Variants in AMPH observed in about 807,000 individuals in gnomAD.
The protein encoded by AMPH is amphiphysin (Stiff-Mann syndrome with breast cancer 128kD autoantigen).
AMPH carries 49 observed loss-of-function variants against 99.1 expected under a neutral mutation model. That is an observed-to-expected ratio of 0.49 (90% CI 0.39 to 0.63). AMPH has a LOEUF of 0.63. AMPH is among the 20% of genes least tolerant of loss of function. The pLI, the probability that AMPH is intolerant of heterozygous loss-of-function variation, is 0.00. For synonymous variants in AMPH, 314 were observed against 317.3 expected (o/e 0.99, Z 0.11); for missense variants, 759 against 863.4 (o/e 0.88, Z 1.52).
chr7:38,589,144 A>T (rs889962893), intron 1 of AMPH, among the ~76,000 whole-genome samples: 2 of 152,226 alleles, frequency 1.3e-5, no homozygotes, highest in African/African-American at 2.4e-5. Flanking sequence ...TTGAAGTCTG[A>T]CTATCCAACA....
At chr7:38,480,272 A>T (rs1420572524) in intron 5 of AMPH, among the ~76,000 whole-genome samples, 1 of 152,072 alleles carries the variant, frequency 6.6e-6, no homozygotes, top group Non-Finnish European at 1.5e-5. Context: ...GGCCCCAGTG[A>T]CCAGCGCCAG....
At chr7:38,422,202 A>T (rs1785603001) in intron 16 of AMPH, among the ~76,000 whole-genome samples, 1 of 152,234 alleles carries the variant, frequency 6.6e-6, no homozygotes. Flanking sequence ...TTAGGAGACT[A>T]GTTTTTGCTG....
At chr7:38,574,881 C>T (rs2392585) in intron 1 of AMPH, among the ~76,000 whole-genome samples, 40,922 of 151,512 alleles carry the variant, frequency 0.27, 5,956 homozygotes, top group Non-Finnish European at 0.33. Context: ...TGGTGAAACC[C>T]CGTCTCTACT....
chr7:38,479,681 A>G (rs1788218963), intron 5 of AMPH, among the ~76,000 whole-genome samples: 1 of 152,168 alleles, frequency 6.6e-6, no homozygotes, highest in African/African-American at 2.4e-5. Context: ...GAAGTAATAC[A>G]TCATTTCAAG....
At chr7:38,437,130 A>G (rs1425745686) in intron 11 of AMPH, among the ~76,000 whole-genome samples, 1 of 152,232 alleles carries the variant, frequency 6.6e-6, no homozygotes, top group Non-Finnish European at 1.5e-5. Context: ...AAAAAAATCT[A>G]TAATACTAAA....
At chr7:38,618,382 T>C (rs1793946102) in intron 1 of AMPH, among the ~76,000 whole-genome samples, 1 of 150,806 alleles carries the variant, frequency 6.6e-6, no homozygotes, top group African/African-American at 2.4e-5. Context: ...CGTGGTGGCA[T>C]GCACCTGTAG....
chr7:38,606,618 G>A (rs937390613), intron 1 of AMPH, among the ~76,000 whole-genome samples: 1 of 138,444 alleles, frequency 7.2e-6, no homozygotes, highest in African/African-American at 2.7e-5. Flanking sequence ...TGTCGCCCAG[G>A]ACAGAATGCA....
intron 3 of AMPH, among the ~76,000 whole-genome samples, chr7:38,496,133 C>T (rs1232124630): frequency 6.6e-6 from 1 of 152,176 alleles, no homozygotes; most frequent in Non-Finnish European, 1.5e-5. Flanking sequence ...AAATAAAAAA[C>T]ACATCCTGTA....
intron 13 of AMPH, among the ~76,000 whole-genome samples, chr7:38,431,289 C>T (rs1485825323): frequency 6.6e-6 from 1 of 152,184 alleles, no homozygotes; most frequent in African/African-American, 2.4e-5. Context: ...TTATTTAAAC[C>T]TCACACAACC....
chr7:38,420,871 G>A, intron 16 of AMPH: 1 of 443,086 alleles, frequency 2.3e-6, no homozygotes, highest in South Asian at 1.6e-5. Flanking sequence ...GTATGATGCA[G>A]GCTGGGAGAT....
rs78274611 is a variant in AMPH, at chr7:38,449,465, G to A, written c.1017+11818C>T. Among the ~76,000 whole-genome samples the A allele has an allele frequency of 4.2e-4, 64 of 152,322 alleles. No homozygotes were observed. In the East Asian group the frequency reaches 0.012, roughly 28 times the overall value. On this transcript the variant is annotated intron_variant, in intron 11 of 20. Coordinates refer to ENST00000356264, the MANE Select transcript of AMPH (RefSeq NM_001635.4). ...ATGAGACCTTGCAGAAAGATATTTA[G>A]TAGCTTTCCCTGTTCTGTAGACAGA...
chr7:38,461,871 T>G (rs1787461844), intron 10 of AMPH, among the ~76,000 whole-genome samples: 1 of 152,254 alleles, frequency 6.6e-6, no homozygotes, highest in South Asian at 2.1e-4. Context: ...AGTAGAAAAC[T>G]TTAAAGGTCT....
chr7:38,390,416 A>T (rs1224632991), intron 19 of AMPH, among the ~76,000 whole-genome samples: 1 of 152,170 alleles, frequency 6.6e-6, no homozygotes, highest in Non-Finnish European at 1.5e-5. Flanking sequence ...CCCATTTTGA[A>T]AAAGATTTCC....
At position 38,560,855 on chromosome 7, in the gene AMPH, G is replaced by C. The variant is rs189449083; in HGVS notation, c.70-25844C>G. 1.3e-3 allele frequency among the ~76,000 whole-genome samples: 204 copies of C among 152,302 alleles called. 1 individual carries two copies. Among genetic ancestry groups the C allele is most frequent in the Non-Finnish European group, 2.2e-3 (147 of 68,022 alleles). On this transcript the variant is annotated intron_variant, in intron 1 of 20. Transcript: ENST00000356264. ...TCAGGGATGCTGATTTCCTTGGTCT[G>C]GGGTGAGGCTGAAGTCTGGCTATTT...
chr7:38,492,708 A>C (rs533789694), intron 4 of AMPH, among the ~76,000 whole-genome samples: 2 of 152,302 alleles, frequency 1.3e-5, no homozygotes, highest in African/African-American at 2.4e-5. Context: ...ATTCCAAAAA[A>C]CCGGGCAGCT....
intron 16 of AMPH, among the ~76,000 whole-genome samples, chr7:38,418,688 G>A (rs747152189): frequency 1.2e-4 from 19 of 152,006 alleles, no homozygotes; most frequent in Non-Finnish European, 2.4e-4. Context: ...CCTTAGTAAT[G>A]CATTTATTTC....
intron 9 of AMPH, among the ~76,000 whole-genome samples, chr7:38,464,768 G>A (rs1056616183): frequency 6.6e-6 from 1 of 152,126 alleles, no homozygotes; most frequent in African/African-American, 2.4e-5. Flanking sequence ...CGAAAGCTGG[G>A]TCTTCTGACT....
intron 1 of AMPH, among the ~76,000 whole-genome samples, chr7:38,586,202 G>A (rs1490749683): frequency 6.6e-6 from 1 of 152,016 alleles, no homozygotes; most frequent in African/African-American, 2.4e-5. Context: ...ATTTTCCAAC[G>A]AACACGTAAG....
intron 5 of AMPH, among the ~76,000 whole-genome samples, chr7:38,490,804 T>C (rs1202463938): frequency 6.6e-6 from 1 of 152,174 alleles, no homozygotes; most frequent in Non-Finnish European, 1.5e-5. Context: ...ATCTATAGGT[T>C]TAAAAAGACT....
Sources: allele counts gnomAD v4.1 joint callset (sites outside exome capture counted in the v4.1 genomes callset), GRCh38; gene constraint gnomAD v4.1.1; transcripts MANE v1.5; gene names NCBI Gene and HGNC (gene_info 2026-07-23, HGNC 2026-07-21).